Variants in OSBPL10 observed in about 807,000 individuals in gnomAD.
OSBPL10 encodes the protein oxysterol binding protein like 10.
In OSBPL10, 49 loss-of-function variants were observed where a neutral mutation model predicts 81.7. That is an observed-to-expected ratio of 0.60 (90% CI 0.48 to 0.76). The LOEUF (loss-of-function observed/expected upper bound fraction) is 0.76. Among genes scored for constraint, OSBPL10 ranks in the 30% least tolerant of loss-of-function variants. OSBPL10 has a pLI of 0.00. For missense variants in OSBPL10, 923 were observed against 987.8 expected (o/e 0.93, Z 0.88); for synonymous variants, 419 against 383.6 (o/e 1.09, Z -1.08).
intron 1 of OSBPL10, among the ~76,000 whole-genome samples, chr3:31,907,585 C>A (rs1338093721): frequency 2.4e-5 from 3 of 123,070 alleles, no homozygotes; most frequent in African/African-American, 3.2e-5. Flanking sequence ...CAAGATCACA[C>A]CACTGCACTC....
intron 1 of OSBPL10, among the ~76,000 whole-genome samples, chr3:31,926,127 G>C (rs984152213): frequency 6.6e-6 from 1 of 152,176 alleles, no homozygotes; most frequent in Non-Finnish European, 1.5e-5. Flanking sequence ...TTTGAGGACA[G>C]GGATGTTTCC....
At position 31,683,743 on chromosome 3, in the gene OSBPL10, G is replaced by A. The variant is rs760441572; in HGVS notation, c.1617C>T (p.Ile539=). 1 of 1,614,230 alleles carries A rather than the reference G, an allele frequency of 6.2e-7. No individual in the cohort carries two copies. Among genetic ancestry groups the A allele is most frequent in the Non-Finnish European group, 8.5e-7 (1 of 1,180,048 alleles). Residue 539 remains isoleucine (I), a synonymous_variant, in exon 8 of 12, where the codon ATC becomes ATT. Transcript: ENST00000396556. ...VAEQVSHHPP[I]SCFYCECEEK... is the part of the protein sequence containing the mutation. ...CCTCGCACTCACAGTAGAAGCAGGA[G>A]ATGGGTGGGTGATGGGACACTTGCT...
intron 1 of OSBPL10, among the ~76,000 whole-genome samples, chr3:31,967,407 G>T (rs1575067620): frequency 6.6e-6 from 1 of 152,018 alleles, no homozygotes; most frequent in African/African-American, 2.4e-5. Context: ...TTGAACCCAG[G>T]AGGTTGAGGC....
At chr3:31,846,923 C>G (rs1206248376) in intron 3 of OSBPL10, among the ~76,000 whole-genome samples, 2 of 152,106 alleles carry the variant, frequency 1.3e-5, no homozygotes, top group African/African-American at 4.8e-5. Flanking sequence ...ATGAGTGAAC[C>G]CCAAGATCCA....
At chr3:31,796,109 G>A in intron 4 of OSBPL10, 1 of 171,282 alleles carries the variant, frequency 5.8e-6, no homozygotes. Flanking sequence ...CAAGGAATGT[G>A]GTAAAAATTA....
At chr3:32,000,530 A>G (rs570940093) in intron 2 of OSBPL10, among the ~76,000 whole-genome samples, 7 of 152,332 alleles carry the variant, frequency 4.6e-5, no homozygotes, top group South Asian at 4.1e-4. Context: ...AGGATAATCA[A>G]TGCATCTATT....
chr3:31,798,662 T>C (rs1430255958), intron 4 of OSBPL10, among the ~76,000 whole-genome samples: 1 of 152,188 alleles, frequency 6.6e-6, no homozygotes, highest in East Asian at 1.9e-4. Flanking sequence ...TGTTGGACCA[T>C]GCCAACATAA....
chr3:31,811,696 C>T (rs1239302358), intron 4 of OSBPL10, among the ~76,000 whole-genome samples: 1 of 151,756 alleles, frequency 6.6e-6, no homozygotes, highest in East Asian at 1.9e-4. Context: ...AAAAACAAGA[C>T]CATTAAAAAA....
intron 6 of OSBPL10, among the ~76,000 whole-genome samples, chr3:31,716,367 C>A (rs1168660955): frequency 6.6e-6 from 1 of 152,104 alleles, no homozygotes; most frequent in African/African-American, 2.4e-5. Context: ...CATTATTGTA[C>A]AACAGATCTC....
At chr3:31,886,746 C>A (rs1695748154) in intron 1 of OSBPL10, among the ~76,000 whole-genome samples, 1 of 152,124 alleles carries the variant, frequency 6.6e-6, no homozygotes, top group South Asian at 2.1e-4. Context: ...TCGAGACCAG[C>A]CTGGCCAATA....
At position 31,965,891 on chromosome 3, in the gene OSBPL10, A is replaced by G. The variant is rs1340073501; in HGVS notation, c.281+15008T>C. 1.9e-4 allele frequency among the ~76,000 whole-genome samples: 20 copies of G among 102,944 alleles called. 1 individual carries two copies. In the East Asian group the frequency reaches 4.8e-3, roughly 25 times the overall value. 67.5% of individuals were successfully genotyped at this position (102,944 alleles called of 152,430 possible). A position where few individuals can be genotyped will look rare whatever the true frequency, so the allele number is the denominator to read the frequency against. On this transcript the variant is annotated intron_variant, in intron 1 of 11. Transcript: ENST00000396556. ...ACATATTATATAAAATAGATAACAT[A>G]TATTATATATTATATAAAATAGATA... is the stretch of plus-strand genomic sequence containing the variant.
chr3:31,871,784 G>A (rs994307955), intron 3 of OSBPL10, among the ~76,000 whole-genome samples: 3 of 152,206 alleles, frequency 2.0e-5, no homozygotes, highest in African/African-American at 7.2e-5. Flanking sequence ...GATGGATTGA[G>A]AGCCTGGGAG....
chr3:31,665,711 C>T (rs1448949851), intron 10 of OSBPL10, among the ~76,000 whole-genome samples: 2 of 152,160 alleles, frequency 1.3e-5, no homozygotes, highest in Non-Finnish European at 2.9e-5. Context: ...AACAGTAAGG[C>T]TGGGTGAGGG....
At chr3:31,930,048 G>A (rs1390683589) in intron 1 of OSBPL10, among the ~76,000 whole-genome samples, 6 of 146,448 alleles carry the variant, frequency 4.1e-5, no homozygotes, top group African/African-American at 1.5e-4. Context: ...GCCTACGCCT[G>A]TAATACCAGA....
intron 2 of OSBPL10, among the ~76,000 whole-genome samples, chr3:32,012,321 A>C (rs1699268069): frequency 6.6e-6 from 1 of 152,224 alleles, no homozygotes; most frequent in South Asian, 2.1e-4. Flanking sequence ...TTCAACCCAG[A>C]ATTTCATATC....
At chr3:31,810,171 C>T (rs919532939) in intron 4 of OSBPL10, among the ~76,000 whole-genome samples, 1 of 151,882 alleles carries the variant, frequency 6.6e-6, no homozygotes, top group African/African-American at 2.4e-5. Context: ...GCACCTCGCC[C>T]CCTCTGACTC....
intron 7 of OSBPL10, 101 bp downstream of exon 7, chr3:31,702,258 T>A: frequency 1.4e-6 from 2 of 1,399,880 alleles, no homozygotes; most frequent in Non-Finnish European, 1.9e-6. Context: ...ACTCTTCTTC[T>A]CCAATCTCAC....
At chr3:32,002,601 G>A (rs149232944) in intron 2 of OSBPL10, among the ~76,000 whole-genome samples, 1 of 141,858 alleles carries the variant, frequency 7.0e-6, no homozygotes, top group Non-Finnish European at 1.6e-5. Flanking sequence ...TTGAATCAAG[G>A]CTTCTTCTCT....
Position 31,665,343 on chromosome 3 carries a change from G to A in OSBPL10, c.2097-1111C>T, listed in dbSNP as rs979923656. Among the ~76,000 whole-genome samples the A allele has an allele frequency of 2.6e-5, 4 of 152,282 alleles. 1 individual carries two copies. The highest frequency in any genetic ancestry group is 1.9e-4 in the East Asian group (1 of 5,176). On this transcript the variant is annotated intron_variant, in intron 10 of 11. Transcript: ENST00000396556. Reference sequence around the variant, plus strand: ...GCCAGGTGGTGGAGATTCCCTCCCTGGCTTCTAGAAAATGAGGCCCCTTCA... The same window carrying A: ...GCCAGGTGGTGGAGATTCCCTCCCTAGCTTCTAGAAAATGAGGCCCCTTCA...
Sources: gnomAD v4.1 joint callset for allele counts (sites outside exome capture counted in the v4.1 genomes callset) on GRCh38, gnomAD v4.1.1 for gene constraint, MANE v1.5 for transcripts, NCBI Gene and HGNC (gene_info 2026-07-23, HGNC 2026-07-21) for gene names.